Variants in NXPE4 observed in about 807,000 individuals in gnomAD.
The protein encoded by NXPE4 is NXPE family member 4.
A neutral mutation model predicts 33.3 loss-of-function variants in NXPE4; 42 were observed. The observed-to-expected ratio is 1.26, with a 90% CI of 0.98 to 1.63. The LOEUF is 1.63. NXPE4 is among the 40% of genes most tolerant of loss of function. NXPE4 has a pLI of 0.00. For missense variants in NXPE4, 709 were observed against 647.6 expected (o/e 1.09, Z -1.03); for synonymous variants, 253 against 234.9 (o/e 1.08, Z -0.71).
chr11:114,638,151 C>T, the NXPE4 span, among the ~76,000 whole-genome samples: 4 of 151,930 alleles, frequency 2.6e-5, no homozygotes, highest in African/African-American at 9.7e-5. Flanking sequence ...TTCTCGGAGG[C>T]TTTGTTCATT....
At chr11:114,660,769 A>G in the NXPE4 span, among the ~76,000 whole-genome samples, 1 of 152,134 alleles carries the variant, frequency 6.6e-6, no homozygotes, top group Admixed American at 6.5e-5. Flanking sequence ...GAAATAAAAT[A>G]AAAGGCATAC....
chr11:114,619,648 T>A, the NXPE4 span, among the ~76,000 whole-genome samples: 1 of 152,048 alleles, frequency 6.6e-6, no homozygotes. Context: ...TGTTACCCTG[T>A]GGATAATAAG....
Position 114,572,052 on chromosome 11 carries a change from C to T in NXPE4, c.1100-579G>A, listed in dbSNP as rs116615038. Among the ~76,000 whole-genome samples, 38 of 152,258 alleles carry T rather than the reference C, an allele frequency of 2.5e-4. 1 individual carries two copies. Among genetic ancestry groups the T allele is most frequent in the African/African-American group, 6.7e-4 (28 of 41,542 alleles). Reference sequence around the variant, plus strand: ...GGTGCTGGTATTCAAGGCTGCAAGACCTGAAGATGGGTCACATCCTATGGG... The same window carrying T: ...GGTGCTGGTATTCAAGGCTGCAAGATCTGAAGATGGGTCACATCCTATGGG... On this transcript the variant is annotated intron_variant, in intron 5 of 5. Transcript: ENST00000375478.
chr11:114,677,876 C>A, the NXPE4 span, among the ~76,000 whole-genome samples: 2 of 152,040 alleles, frequency 1.3e-5, no homozygotes, highest in East Asian at 1.9e-4. Context: ...GGCCACCTGG[C>A]AGGTAGTTGC....
At chr11:114,611,363 T>C in the NXPE4 span, among the ~76,000 whole-genome samples, 56 of 152,008 alleles carry the variant, frequency 3.7e-4, no homozygotes, top group African/African-American at 1.3e-3. Context: ...TGTTACCCGG[T>C]GGATAATAAG....
chr11:114,637,942 T>C, the NXPE4 span, among the ~76,000 whole-genome samples: 1 of 151,936 alleles, frequency 6.6e-6, no homozygotes, highest in South Asian at 2.1e-4. Flanking sequence ...ATTATGTGTC[T>C]TGGAGTTGCT....
the NXPE4 span, among the ~76,000 whole-genome samples, chr11:114,624,453 C>T: frequency 6.6e-6 from 1 of 152,090 alleles, no homozygotes; most frequent in African/African-American, 2.4e-5. Context: ...CATGGGTAAC[C>T]ACTGTTACCT....
the NXPE4 span, among the ~76,000 whole-genome samples, chr11:114,637,474 A>G: frequency 2.6e-5 from 4 of 151,536 alleles, no homozygotes; most frequent in Non-Finnish European, 5.9e-5. Flanking sequence ...TTTAAAGTTA[A>G]TATTGTTATG....
At chr11:114,619,882 G>C in the NXPE4 span, among the ~76,000 whole-genome samples, 1 of 152,214 alleles carries the variant, frequency 6.6e-6, no homozygotes, top group South Asian at 2.1e-4. Context: ...TGCCTCGTGG[G>C]TAAGAATTCT....
the NXPE4 span, among the ~76,000 whole-genome samples, chr11:114,620,865 G>T: frequency 6.6e-6 from 1 of 152,140 alleles, no homozygotes; most frequent in African/African-American, 2.4e-5. Flanking sequence ...ACTGTTACCC[G>T]ATGGATAATA....
chr11:114,583,412 C>A, intron 2 of NXPE4: 3 of 642,726 alleles, frequency 4.7e-6, no homozygotes, highest in Middle Eastern at 2.9e-4. Context: ...AATGGAAACC[C>A]ATCACCCTCA....
the NXPE4 span, among the ~76,000 whole-genome samples, chr11:114,650,946 A>G: frequency 3.3e-5 from 5 of 152,170 alleles, no homozygotes; most frequent in Non-Finnish European, 7.3e-5. Context: ...GGCTGAGAGC[A>G]CATCAGGAAG....
In NXPE4 at chr11:114,582,341, A is replaced by G. The variant is rs565606316; in HGVS notation, c.777T>C (p.Ser259=). The G allele has an allele frequency of 1.2e-6, 2 of 1,603,660 alleles. No homozygotes were observed. Among genetic ancestry groups the G allele is most frequent in the Non-Finnish European group, 1.7e-6 (2 of 1,174,270 alleles). ...TAAGATAAGAAACTTTCTTGTTCTT[A>G]GAATACATGTGAGTGAGTGCAGCAC... ...MPCAALTHMY[S]KNKKVSYLSK... Residue 259 remains serine (S), a synonymous_variant, in exon 3 of 6, where the codon TCT becomes TCC. Coordinates refer to ENST00000375478, the MANE Select transcript of NXPE4 (RefSeq NM_001077639.2).
chr11:114,651,601 C>T, the NXPE4 span, among the ~76,000 whole-genome samples: 1 of 152,322 alleles, frequency 6.6e-6, no homozygotes, highest in East Asian at 1.9e-4. Flanking sequence ...CCACATCCTA[C>T]TGATTGGTCC....
At chr11:114,599,561 A>T (rs1471852216), upstream of NXPE4, among the ~76,000 whole-genome samples, 1 of 152,184 alleles carries the variant, frequency 6.6e-6, no homozygotes, top group East Asian at 1.9e-4. Context: ...TAAAGAAAAG[A>T]GATTTAATTG....
At chr11:114,639,925 ATATAT>A in the NXPE4 span, among the ~76,000 whole-genome samples, 3 of 115,644 alleles carry the variant, frequency 2.6e-5, no homozygotes, top group East Asian at 2.5e-4. Context: ...ATATTATATT[ATATAT>A]TATATTAAAT....
chr11:114,666,325 C>T, the NXPE4 span, among the ~76,000 whole-genome samples: 150,179 of 152,260 alleles, frequency 0.99, 74,096 homozygotes, highest in Middle Eastern at 1. Context: ...TCCAGGGCCT[C>T]CTTTAAAGTA....
intron 5 of NXPE4, among the ~76,000 whole-genome samples, chr11:114,577,835 A>T (rs976062561): frequency 1.2e-4 from 19 of 152,180 alleles, no homozygotes. Context: ...CTGAAATTAT[A>T]TTCTGTACTT....
intron 2 of NXPE4, among the ~76,000 whole-genome samples, chr11:114,585,681 G>T (rs1354647586): frequency 6.6e-6 from 1 of 152,054 alleles, no homozygotes; most frequent in Non-Finnish European, 1.5e-5. Context: ...GAACTAGAAA[G>T]AAATTATTTA....
Sources: allele counts gnomAD v4.1 joint callset (sites outside exome capture counted in the v4.1 genomes callset), GRCh38; gene constraint gnomAD v4.1.1; transcripts MANE v1.5; gene names NCBI Gene and HGNC (gene_info 2026-07-23, HGNC 2026-07-21).